The following RPF2 variants were observed in gnomAD, a reference collection of about 807,000 sequenced individuals.
RPF2 encodes the protein ribosome production factor 2 homolog.
A neutral mutation model predicts 38.9 loss-of-function variants in RPF2; 21 were observed. The observed-to-expected ratio is 0.54, with a 90% CI of 0.38 to 0.78. The LOEUF (loss-of-function observed/expected upper bound fraction) is 0.78, where lower values mean the gene tolerates loss of function less well. Ranked by LOEUF, RPF2 falls within the 30% of genes least tolerant of loss-of-function variation. RPF2 has a pLI of 0.00. For synonymous variants in RPF2, 121 were observed against 126.2 expected, an observed-to-expected ratio of 0.96 and a Z score of 0.28; for missense variants, 314 against 358.1, an observed-to-expected ratio of 0.88 and a Z score of 0.99.
At chr6:111,015,224 GAA>G (rs1031906229) in intron 7 of RPF2, among the ~76,000 whole-genome samples, 3 of 152,054 alleles carry the variant, frequency 2.0e-5, no homozygotes, top group Non-Finnish European at 4.4e-5. Flanking sequence ...CACTTTGTGA[GAA>G]AAAAGACTAT....
chr6:110,982,229 C>A, intron 1 of RPF2, 100 bp downstream of exon 1: 5 of 1,358,922 alleles, frequency 3.7e-6, no homozygotes, highest in Non-Finnish European at 5.3e-6. Context: ...GGTTACCCCT[C>A]TAATTACCTG....
intron 6 of RPF2, 52 bp from the exon 7 acceptor site, chr6:111,007,986 A>T: frequency 1.3e-6 from 2 of 1,493,308 alleles, no homozygotes; most frequent in Non-Finnish European, 1.8e-6. Flanking sequence ...ATCAATATAT[A>T]AACAGTTTAG....
intron 2 of RPF2, among the ~76,000 whole-genome samples, chr6:110,985,914 T>G (rs1771516747): frequency 7.3e-6 from 1 of 136,350 alleles, no homozygotes. Context: ...CCAGCCTGAG[T>G]GACAGAGAGA....
intron 8 of RPF2, among the ~76,000 whole-genome samples, chr6:111,023,221 C>T (rs914509168): frequency 6.6e-6 from 1 of 152,134 alleles, no homozygotes; most frequent in African/African-American, 2.4e-5. Flanking sequence ...CTTTATCCTG[C>T]CTGTATTCCC....
chr6:111,017,498 G>A (rs1480590609), intron 8 of RPF2, among the ~76,000 whole-genome samples: 4 of 151,636 alleles, frequency 2.6e-5, no homozygotes, highest in African/African-American at 9.7e-5. Flanking sequence ...TTCTCAGATG[G>A]GGCGGCTGCC....
At chr6:111,018,323 A>G (rs761376504) in intron 8 of RPF2, among the ~76,000 whole-genome samples, 5 of 152,164 alleles carry the variant, frequency 3.3e-5, no homozygotes, top group Non-Finnish European at 7.4e-5. Flanking sequence ...ACAGTTTCCT[A>G]AAGAATACAC....
intron 5 of RPF2, among the ~76,000 whole-genome samples, chr6:110,997,717 A>G (rs1264785014): frequency 1.3e-5 from 2 of 149,826 alleles, no homozygotes; most frequent in East Asian, 3.9e-4. Flanking sequence ...CCTTGTCTCA[A>G]GGAAAAAAAA....
intron 8 of RPF2, among the ~76,000 whole-genome samples, chr6:111,021,086 T>C (rs1772223978): frequency 6.6e-6 from 1 of 152,080 alleles, no homozygotes; most frequent in East Asian, 1.9e-4. Flanking sequence ...GGAGAATTGC[T>C]TGAACCACGG....
In RPF2 at chr6:110,999,698, A is replaced by G. The variant is rs775402700; in HGVS notation, c.317-13A>G. On this transcript the variant is annotated splice_polypyrimidine_tract_variant and intron_variant, in intron 5 of 9. Transcript: ENST00000441448. ...GGGAAAAATACATGCTTAAAAATAC[A>G]TTTTCCTTCCAGGTCGTATGTATGA... The G allele has an allele frequency of 1.3e-6, 2 of 1,567,408 alleles. No individual in the cohort carries two copies. The highest frequency in any genetic ancestry group is 1.8e-6 in the Non-Finnish European group (2 of 1,137,928).
intron 6 of RPF2, among the ~76,000 whole-genome samples, chr6:111,005,331 A>G (rs931129205): frequency 6.6e-6 from 1 of 152,134 alleles, no homozygotes. Context: ...ATTTTTGGTC[A>G]GAACAGAGAA....
intron 7 of RPF2, among the ~76,000 whole-genome samples, chr6:111,010,098 GTCTC>G (rs1410358315): frequency 6.7e-6 from 1 of 149,992 alleles, no homozygotes; most frequent in Non-Finnish European, 1.5e-5. Flanking sequence ...TCTTGGGTCT[GTCTC>G]TCTGTCCCTC....
At chr6:110,989,486 T>C (rs1354787529) in intron 3 of RPF2, among the ~76,000 whole-genome samples, 3 of 152,154 alleles carry the variant, frequency 2.0e-5, no homozygotes, top group Non-Finnish European at 4.4e-5. Flanking sequence ...CGGAGTCCTG[T>C]TGTCGCCCGG....
At chr6:110,982,539 A>G (rs2880172) in intron 1 of RPF2, 48,846 of 202,406 alleles carry the variant, frequency 0.24, 7,078 homozygotes, top group East Asian at 0.66. Context: ...CTTATTCTGT[A>G]AAATAGCGCT....
intron 6 of RPF2, among the ~76,000 whole-genome samples, chr6:111,003,650 C>T (rs751892793): frequency 2.0e-5 from 3 of 152,064 alleles, no homozygotes; most frequent in African/African-American, 4.8e-5. Context: ...AGTGAGACCC[C>T]GTCTCTACAA....
At chr6:110,983,012 T>C (rs555575509) in intron 1 of RPF2, among the ~76,000 whole-genome samples, 66 of 152,388 alleles carry the variant, frequency 4.3e-4, no homozygotes, top group Non-Finnish European at 9.1e-4. Flanking sequence ...AGAAGCTTTA[T>C]ATGTGACATT....
rs770955510 is a variant in RPF2 at position 110,982,148 on chromosome 6, A to C, written c.23+19A>C. On this transcript the variant is annotated intron_variant, in intron 1 of 9. Coordinates refer to ENST00000441448, the MANE Select transcript of RPF2 (RefSeq NM_032194.3). ...GAGTAGTGTAAGTGCGCTGGGTCTC[A>C]GCCCCGGGGAGCGTTGGGGTGAAAG... The C allele has an allele frequency of 6.2e-7, 1 of 1,614,026 alleles. No homozygotes were observed. Among genetic ancestry groups the C allele is most frequent in the Non-Finnish European group, 8.5e-7 (1 of 1,179,872 alleles).
intron 6 of RPF2, among the ~76,000 whole-genome samples, chr6:111,007,034 T>C (rs1049187028): frequency 2.0e-5 from 3 of 151,802 alleles, no homozygotes; most frequent in Admixed American, 2.0e-4. Flanking sequence ...AGAGTGAAAG[T>C]CCGTCTCAAA....
intron 8 of RPF2, among the ~76,000 whole-genome samples, chr6:111,021,558 C>T (rs927129061): frequency 3.9e-5 from 6 of 152,186 alleles, no homozygotes; most frequent in African/African-American, 1.4e-4. Flanking sequence ...TGGCTCTGAG[C>T]TGGGCTCAGC....
At chr6:110,985,195 A>C in intron 2 of RPF2, 57 bp downstream of exon 2, 1 of 1,440,662 alleles carries the variant, frequency 6.9e-7, no homozygotes, top group Non-Finnish European at 9.5e-7. Flanking sequence ...AATTTTCAGC[A>C]TGCTAGGATG....
Sources: allele counts gnomAD v4.1 joint callset (sites outside exome capture counted in the v4.1 genomes callset), GRCh38; gene constraint gnomAD v4.1.1; transcripts MANE v1.5; gene names NCBI Gene and HGNC (gene_info 2026-07-23, HGNC 2026-07-21).